The following PSMD14 variants were observed in gnomAD, a reference collection of about 807,000 sequenced individuals.
PSMD14 encodes ubiquitin C-terminal hydrolase PSMD14.
In PSMD14, 7 loss-of-function variants were observed where a neutral mutation model predicts 41.2. The observed-to-expected ratio is 0.17, with a 90% CI of 0.10 to 0.32. The LOEUF (loss-of-function observed/expected upper bound fraction) is 0.32. Ranked by LOEUF, PSMD14 falls within the 10% of genes least tolerant of loss-of-function variation. The probability of loss-of-function intolerance (pLI) is 1.00; values close to 1 mark genes in which losing one functional copy is unlikely to be tolerated. For missense variants in PSMD14, 139 were observed against 375.6 expected, an observed-to-expected ratio of 0.37 and a Z score of 5.21; for synonymous variants, 114 against 122.3, an observed-to-expected ratio of 0.93 and a Z score of 0.45.
Position 161,370,138 on chromosome 2 carries a change from TC to T in PSMD14, c.274del (p.Gln92LysfsTer8). Reference sequence around the variant, plus strand: ...AGTGTGGAGGCAGTTGATCCAGTGTTCCAAGCTAAAATGTTGGATATGTTGA... The same window carrying T: ...AGTGTGGAGGCAGTTGATCCAGTGTTCAAGCTAAAATGTTGGATATGTTGA... ...GVSVEAVDPV[F>X]QAKMLDMLKQ... On this transcript the variant is annotated frameshift_variant, in exon 6 of 12. Transcript: ENST00000409682. LOFTEE classifies it high-confidence loss of function. 2 of 1,594,972 alleles carry T rather than the reference TC, an allele frequency of 1.3e-6. No individual in the cohort carries two copies. Among genetic ancestry groups the T allele is most frequent in the Non-Finnish European group, 1.7e-6 (2 of 1,169,438 alleles).
intron 3 of PSMD14, among the ~76,000 whole-genome samples, chr2:161,362,206 A>G (rs911664372): frequency 6.6e-6 from 1 of 152,064 alleles, no homozygotes; most frequent in African/African-American, 2.4e-5. Context: ...CTGGGATTAC[A>G]TGCTTTTTAA....
chr2:161,314,357 C>G (rs1252976147), intron 1 of PSMD14, among the ~76,000 whole-genome samples: 1 of 152,188 alleles, frequency 6.6e-6, no homozygotes, highest in Non-Finnish European at 1.5e-5. Flanking sequence ...ATATTGTTCA[C>G]TCATTGACAC....
chr2:161,356,598 A>G (rs1683201446), intron 3 of PSMD14, among the ~76,000 whole-genome samples: 2 of 152,116 alleles, frequency 1.3e-5, no homozygotes, highest in Admixed American at 1.3e-4. Context: ...GTTTTAAAAC[A>G]TATAATCACC....
chr2:161,405,671 A>G (rs960460110), intron 10 of PSMD14, among the ~76,000 whole-genome samples: 5 of 152,224 alleles, frequency 3.3e-5, no homozygotes, highest in Admixed American at 2.6e-4. Flanking sequence ...TGAAAGAAGT[A>G]AAATACATAT....
chr2:161,347,021 C>T (rs750544346), intron 3 of PSMD14, among the ~76,000 whole-genome samples: 5 of 152,098 alleles, frequency 3.3e-5, no homozygotes, highest in Non-Finnish European at 7.4e-5. Flanking sequence ...GTTTTGGTCT[C>T]AGTAATCTCA....
rs2105269802 is a variant in PSMD14, at chr2:161,398,742, A to G, written c.771+3539A>G. Reference sequence around the variant, plus strand: ...TGACCTACTTAGTAACCTGAAAGAAAGTTTCAGTATTTCTTTTATATGCTT... The same window carrying G: ...TGACCTACTTAGTAACCTGAAAGAAGGTTTCAGTATTTCTTTTATATGCTT... On this transcript the variant is annotated intron_variant, in intron 10 of 11. Transcript: ENST00000409682. 3.3e-5 allele frequency among the ~76,000 whole-genome samples: 5 copies of G among 152,194 alleles called. No homozygotes were observed. In the Middle Eastern group the frequency reaches 0.014, roughly 417 times the overall value.
At chr2:161,403,998 T>G (rs1683916748) in intron 10 of PSMD14, among the ~76,000 whole-genome samples, 1 of 152,006 alleles carries the variant, frequency 6.6e-6, no homozygotes, top group Non-Finnish European at 1.5e-5. Context: ...CTTGAACTCC[T>G]GAGTTTAAGC....
At chr2:161,371,984 C>A (rs945239801) in intron 7 of PSMD14, among the ~76,000 whole-genome samples, 11 of 131,644 alleles carry the variant, frequency 8.4e-5, no homozygotes, top group Non-Finnish European at 1.5e-4. Context: ...TTTTTTATTT[C>A]TTTCTTTCTA....
chr2:161,388,043 A>G (rs1421454181), intron 8 of PSMD14, among the ~76,000 whole-genome samples: 5 of 152,070 alleles, frequency 3.3e-5, no homozygotes, highest in South Asian at 2.1e-4. Context: ...GTTAACAAGC[A>G]TTTATTTTAG....
intron 8 of PSMD14, among the ~76,000 whole-genome samples, chr2:161,390,681 G>T (rs1320257726): frequency 6.6e-6 from 1 of 152,034 alleles, no homozygotes; most frequent in East Asian, 1.9e-4. Flanking sequence ...TTAGGAAAAG[G>T]GGAATTCCAG....
At chr2:161,391,451 T>C (rs981783580) in intron 9 of PSMD14, among the ~76,000 whole-genome samples, 2 of 152,182 alleles carry the variant, frequency 1.3e-5, no homozygotes, top group African/African-American at 4.8e-5. Flanking sequence ...CATAAAAATA[T>C]TTCTTTTAGT....
chr2:161,384,670 T>A (rs1368421261), intron 7 of PSMD14: 1 of 151,810 alleles, frequency 6.6e-6, no homozygotes, highest in East Asian at 1.9e-4. Context: ...TTTACAGTGT[T>A]GAAAAGCTTT....
chr2:161,401,762 TAA>T (rs112473008), intron 10 of PSMD14, among the ~76,000 whole-genome samples: 6 of 139,138 alleles, frequency 4.3e-5, no homozygotes, highest in African/African-American at 1.4e-4. Flanking sequence ...GGCCACTTAA[TAA>T]ATCATGCATT....
At chr2:161,339,565 G>C (rs1355534049) in intron 3 of PSMD14, among the ~76,000 whole-genome samples, 1 of 143,132 alleles carries the variant, frequency 7.0e-6, no homozygotes, top group Non-Finnish European at 1.5e-5. Context: ...GCTGAATACA[G>C]AGATCCAAGC....
intron 9 of PSMD14, among the ~76,000 whole-genome samples, chr2:161,392,468 C>T (rs544055336): frequency 6.6e-6 from 1 of 152,288 alleles, no homozygotes; most frequent in South Asian, 2.1e-4. Context: ...CCCCCTCTTT[C>T]AACCAGATCA....
intron 10 of PSMD14, among the ~76,000 whole-genome samples, chr2:161,398,072 C>A (rs1311580824): frequency 6.6e-6 from 1 of 152,126 alleles, no homozygotes; most frequent in East Asian, 1.9e-4. Context: ...TGCCCATCTA[C>A]AGAAGTTTTT....
chr2:161,324,601 G>T (rs1028633693), intron 3 of PSMD14, among the ~76,000 whole-genome samples: 2 of 151,052 alleles, frequency 1.3e-5, no homozygotes, highest in African/African-American at 4.9e-5. Context: ...TTTCCCCTAG[G>T]TGTTGTAGTT....
At chr2:161,408,134 G>A (rs570996775) in intron 10 of PSMD14, 1 of 152,082 alleles carries the variant, frequency 6.6e-6, no homozygotes, top group East Asian at 1.9e-4. Flanking sequence ...TATTGTTTGG[G>A]TTAATTTAAT....
chr2:161,309,813 G>GT (rs886236315), intron 1 of PSMD14, among the ~76,000 whole-genome samples: 18 of 151,762 alleles, frequency 1.2e-4, no homozygotes, highest in African/African-American at 4.1e-4. Flanking sequence ...GGAGTTTTTG[G>GT]TTTTTTGTTT....
Sources: gnomAD v4.1 joint callset for allele counts (sites outside exome capture counted in the v4.1 genomes callset) on GRCh38, gnomAD v4.1.1 for gene constraint, MANE v1.5 for transcripts, NCBI Gene and HGNC (gene_info 2026-07-23, HGNC 2026-07-21) for gene names.